EBF1: variants seen among roughly 807,000 people sequenced by gnomAD.
The protein encoded by EBF1 is EBF transcription factor 1.
In EBF1, 10 loss-of-function variants were observed where a neutral mutation model predicts 68.4. That is an observed-to-expected ratio of 0.15 (90% CI 0.09 to 0.25). The LOEUF (loss-of-function observed/expected upper bound fraction) is 0.25, where lower values mean the gene tolerates loss of function less well. Ranked by LOEUF, EBF1 falls within the 10% of genes least tolerant of loss-of-function variation. The pLI is 1.00. For missense variants in EBF1, 509 were observed against 794.4 expected (o/e 0.64, Z 4.32); for synonymous variants, 298 against 299.8 (o/e 0.99, Z 0.06).
At chr5:158,998,220 T>C (rs1315453769) in intron 6 of EBF1, among the ~76,000 whole-genome samples, 1 of 152,156 alleles carries the variant, frequency 6.6e-6, no homozygotes, top group Non-Finnish European at 1.5e-5. Flanking sequence ...TCTGTATTTG[T>C]TTTCCAGAGC....
chr5:158,750,483 G>C (rs1768574955), intron 10 of EBF1, among the ~76,000 whole-genome samples: 1 of 152,014 alleles, frequency 6.6e-6, no homozygotes, highest in Non-Finnish European at 1.5e-5. Flanking sequence ...TATCCAAAAT[G>C]AATCTAGTTT....
At chr5:158,876,811 A>G (rs184585343) in intron 6 of EBF1, among the ~76,000 whole-genome samples, 5 of 152,322 alleles carry the variant, frequency 3.3e-5, no homozygotes, top group Non-Finnish European at 7.4e-5. Context: ...GTATTAATAC[A>G]AAGGAAATTA....
intron 6 of EBF1, among the ~76,000 whole-genome samples, chr5:158,969,918 A>AG (rs1554093977): frequency 3.8e-5 from 2 of 53,150 alleles, no homozygotes; most frequent in African/African-American, 7.8e-5. Flanking sequence ...GAAAGAAAGA[A>AG]AAAAAAAAAA....
At position 159,073,428 on chromosome 5, in the gene EBF1, A is replaced by G; in HGVS notation, c.522T>C (p.Asn174=). 6.2e-7 allele frequency: 1 copy of G among 1,614,120 alleles called. No individual in the cohort carries two copies. Among genetic ancestry groups the G allele is most frequent in the Non-Finnish European group, 8.5e-7 (1 of 1,179,948 alleles). Reference sequence around the variant, plus strand: ...TTATCACTGGATCTGAGGGAGTCTCATTTCGGTTGCCACAGCTTTTCTTGT... The same window carrying G: ...TTATCACTGGATCTGAGGGAGTCTCGTTTCGGTTGCCACAGCTTTTCTTGT... ...CCDKKSCGNR[N]ETPSDPVIID... Residue 174 remains asparagine, a synonymous_variant, in exon 6 of 16, where the codon AAT becomes AAC. Coordinates refer to ENST00000313708, the MANE Select transcript of EBF1 (RefSeq NM_024007.5).
intron 6 of EBF1, among the ~76,000 whole-genome samples, chr5:158,916,717 T>G (rs1807265390): frequency 6.6e-6 from 1 of 152,200 alleles, no homozygotes; most frequent in Admixed American, 6.5e-5. Flanking sequence ...TATAACTGTG[T>G]GCTTCAATGC....
chr5:158,962,954 C>T (rs1391627622), intron 6 of EBF1, among the ~76,000 whole-genome samples: 2 of 152,160 alleles, frequency 1.3e-5, no homozygotes, highest in Non-Finnish European at 2.9e-5. Flanking sequence ...ATAACACTGC[C>T]CTATAGACAG....
chr5:158,728,331 T>A (rs1763411336), intron 11 of EBF1, among the ~76,000 whole-genome samples: 1 of 152,200 alleles, frequency 6.6e-6, no homozygotes, highest in Admixed American at 6.5e-5. Context: ...ATTGTGTCCT[T>A]GATTACTCTT....
chr5:159,095,683 T>G lies in EBF1; in HGVS notation c.356-8A>C. The G allele has an allele frequency of 6.2e-7, 1 of 1,613,936 alleles. No homozygotes were observed. The highest frequency in any genetic ancestry group is 8.5e-7 in the Non-Finnish European group (1 of 1,179,938). On this transcript the variant is annotated splice_polypyrimidine_tract_variant and splice_region_variant and intron_variant, in intron 3 of 15. Coordinates refer to ENST00000313708, the MANE Select transcript of EBF1 (RefSeq NM_024007.5). ...CCTGCTCCGTCCTTATCCCTAGGGT[T>G]GGAAATGGGGGAAGGGAGGAGAATT...
At chr5:159,057,710 C>A (rs1775032312) in intron 6 of EBF1, among the ~76,000 whole-genome samples, 1 of 152,164 alleles carries the variant, frequency 6.6e-6, no homozygotes, top group Non-Finnish European at 1.5e-5. Flanking sequence ...GCTTTCTCAT[C>A]TTTAAAATGA....
intron 6 of EBF1, among the ~76,000 whole-genome samples, chr5:158,893,004 G>C (rs1344225567): frequency 2.6e-5 from 4 of 151,914 alleles, no homozygotes; most frequent in Non-Finnish European, 5.9e-5. Flanking sequence ...TTTCTAAACA[G>C]TTTATGTCCC....
intron 9 of EBF1, among the ~76,000 whole-genome samples, chr5:158,779,131 T>A (rs1315520211): frequency 6.6e-6 from 1 of 152,192 alleles, no homozygotes; most frequent in Non-Finnish European, 1.5e-5. Flanking sequence ...ACTGCAATGT[T>A]GGGAACTAAA....
intron 6 of EBF1, among the ~76,000 whole-genome samples, chr5:158,988,570 A>C (rs1759618503): frequency 6.6e-6 from 1 of 152,098 alleles, no homozygotes; most frequent in Admixed American, 6.5e-5. Flanking sequence ...AAACCAAAGG[A>C]CTCTGCCTAA....
intron 6 of EBF1, among the ~76,000 whole-genome samples, chr5:159,003,542 C>A (rs999352967): frequency 6.6e-6 from 1 of 152,088 alleles, no homozygotes; most frequent in Admixed American, 6.5e-5. Flanking sequence ...GAGGACTAAC[C>A]AGAAGACCTT....
At chr5:158,811,778 A>G (rs1313862235) in intron 8 of EBF1, among the ~76,000 whole-genome samples, 1 of 152,180 alleles carries the variant, frequency 6.6e-6, no homozygotes, top group African/African-American at 2.4e-5. Context: ...TAAACAACCT[A>G]TGGAAATTTT....
rs763193534 is a variant in EBF1, at chr5:158,696,631, GTTTTT to G, written c.*2475_*2479del. On this transcript the variant is annotated 3_prime_UTR_variant, in exon 16 of 16. Coordinates refer to ENST00000313708, the MANE Select transcript of EBF1 (RefSeq NM_024007.5). ...GCGTCCACCTTGCTTACATTTTCCA[GTTTTT>G]TTTATTATTATTAGTCATCATTATT... The G allele has an allele frequency of 9.3e-6, 2 of 214,252 alleles. No homozygotes were observed. Among genetic ancestry groups the G allele is most frequent in the African/African-American group, 4.5e-5 (2 of 44,094 alleles). 13.3% of individuals were successfully genotyped at this position (214,252 alleles called of 1,614,324 possible). A position where few individuals can be genotyped will look rare whatever the true frequency, so the allele number is the denominator to read the frequency against.
intron 6 of EBF1, among the ~76,000 whole-genome samples, chr5:158,870,661 G>A (rs896998361): frequency 6.6e-5 from 10 of 152,280 alleles, no homozygotes; most frequent in South Asian, 2.1e-4. Context: ...GGGCAACAGA[G>A]TGAGACCCTG....
intron 8 of EBF1, among the ~76,000 whole-genome samples, chr5:158,806,829 C>T (rs1288930530): frequency 1.3e-5 from 2 of 152,122 alleles, no homozygotes; most frequent in Admixed American, 6.6e-5. Context: ...CACACACAAC[C>T]CTACTGTCTA....
intron 11 of EBF1, among the ~76,000 whole-genome samples, chr5:158,720,622 G>C (rs1333769765): frequency 6.6e-6 from 1 of 152,038 alleles, no homozygotes; most frequent in Non-Finnish European, 1.5e-5. Context: ...ATAGAGCTTA[G>C]TGCAGATCAT....
chr5:159,005,405 C>T (rs1763357585), intron 6 of EBF1, among the ~76,000 whole-genome samples: 1 of 152,176 alleles, frequency 6.6e-6, no homozygotes, highest in Non-Finnish European at 1.5e-5. Context: ...AATGAACCAA[C>T]ACTGATAATG....
Sources: allele counts gnomAD v4.1 joint callset (sites outside exome capture counted in the v4.1 genomes callset), GRCh38; gene constraint gnomAD v4.1.1; transcripts MANE v1.5; gene names NCBI Gene and HGNC (gene_info 2026-07-23, HGNC 2026-07-21).